The following ZSWIM7 variants were observed in gnomAD, a reference collection of about 807,000 sequenced individuals.
The protein encoded by ZSWIM7 is zinc finger SWIM-type containing 7.
Under a neutral mutation model 21.1 loss-of-function variants are expected in ZSWIM7, and 22 were observed. That is an observed-to-expected ratio of 1.04 (90% confidence interval 0.74 to 1.49). The LOEUF is 1.49. ZSWIM7 is among the 40% of genes most tolerant of loss of function. ZSWIM7 has a pLI of 0.00. For synonymous variants in ZSWIM7, 67 were observed against 66.5 expected (o/e 1.01, Z -0.04); for missense variants, 193 against 168.0 (o/e 1.15, Z -0.82).
chr17:15,993,339 T>C (rs2151629994), intron 2 of ZSWIM7, among the ~76,000 whole-genome samples: 1 of 136,200 alleles, frequency 7.3e-6, no homozygotes, highest in East Asian at 2.0e-4. Context: ...AGAATATTTT[T>C]ATTTTTTATT....
At chr17:15,986,944 G>A (rs1299174663) in intron 3 of ZSWIM7, 1 of 165,104 alleles carries the variant, frequency 6.1e-6, no homozygotes, top group African/African-American at 2.4e-5. Flanking sequence ...AGATTGCTAA[G>A]ATAATGGATT....
rs971381585 is a variant in ZSWIM7 at position 15,977,852 on chromosome 17, C to G, written c.*195G>C. ...TATTTCTTGACAAGACTGTACAGGG[C>G]TTCTCATCATACACAAACCCTCCAC... is the stretch of plus-strand genomic sequence containing the variant. On this transcript the variant is annotated 3_prime_UTR_variant, in exon 5 of 5. Transcript: ENST00000399277. The G allele has an allele frequency of 7.1e-5, 39 of 545,676 alleles. 1 individual carries two copies. The Admixed American group carries it at 8.5e-4, about 12-fold the overall frequency. The allele number at this position is 545,676 out of a possible 1,614,324, so 33.8% of individuals were successfully genotyped here.
chr17:15,991,928 G>GTTT (rs202107218), intron 2 of ZSWIM7, among the ~76,000 whole-genome samples: 1 of 125,590 alleles, frequency 8.0e-6, no homozygotes, highest in Non-Finnish European at 1.7e-5. Flanking sequence ...GTTTTGTTTT[G>GTTT]TTTTGTTTTT....
At chr17:15,981,960 G>GAAA (rs1970361094) in intron 3 of ZSWIM7, among the ~76,000 whole-genome samples, 7 of 152,136 alleles carry the variant, frequency 4.6e-5, no homozygotes, top group Non-Finnish European at 7.4e-5. Flanking sequence ...CTGGGAAGAG[G>GAAA]CTTTTGAAAA....
chr17:15,984,291 C>A lies in ZSWIM7; in HGVS notation c.201+2975G>T, dbSNP rs1040098900. 2.0e-5 allele frequency among the ~76,000 whole-genome samples: 3 copies of A among 152,366 alleles called. No homozygotes were observed. In the East Asian group the frequency reaches 5.8e-4, roughly 29 times the overall value. On this transcript the variant is annotated intron_variant, in intron 3 of 4. Coordinates refer to ENST00000399277, the MANE Select transcript of ZSWIM7 (RefSeq NM_001042697.2). ...AAATCTGAGTTAGAAACATTTAGAACTGGAAATTGACCTTAAGGATAACAT... is the reference window on the plus strand; with the variant it reads ...AAATCTGAGTTAGAAACATTTAGAAATGGAAATTGACCTTAAGGATAACAT...
Position 15,999,616 on chromosome 17 carries a change from C to A in ZSWIM7, c.-22G>T. ...CCATCGCGCCGCAGGACACGCCCTC[C>A]ACGACCGGCGGACCGCCGCGACGCT... On this transcript the variant is annotated 5_prime_UTR_variant, in exon 1 of 5. Transcript: ENST00000399277. 1 of 1,567,778 alleles carries A rather than the reference C, an allele frequency of 6.4e-7. No individual in the cohort carries two copies. Among genetic ancestry groups the A allele is most frequent in the Non-Finnish European group, 8.6e-7 (1 of 1,157,818 alleles).
chr17:15,978,254 AG>A, intron 4 of ZSWIM7, 91 bp from the exon 5 acceptor site: 2 of 903,928 alleles, frequency 2.2e-6, no homozygotes, highest in Non-Finnish European at 3.6e-6. Flanking sequence ...CTTATTTGGC[AG>A]GAGAAGACTA....
At chr17:15,981,698 C>T (rs1421697573) in intron 3 of ZSWIM7, among the ~76,000 whole-genome samples, 1 of 152,148 alleles carries the variant, frequency 6.6e-6, no homozygotes, top group East Asian at 1.9e-4. Flanking sequence ...CACTTGACCC[C>T]CCCCAGAGTT....
chr17:15,986,511 A>G (rs1171540379), intron 3 of ZSWIM7, among the ~76,000 whole-genome samples: 5 of 152,114 alleles, frequency 3.3e-5, no homozygotes, highest in Non-Finnish European at 7.4e-5. Context: ...CTGTAATCCT[A>G]GCACTTTGGG....
chr17:15,987,268 G>C lies in ZSWIM7; in HGVS notation c.199C>G (p.Gln67Glu). Reference protein sequence around the residue: ...ISSPSGRRVYQVLGSSSKTYT... With the variant: ...ISSPSGRRVYEVLGSSSKTYT... ...CACCCCCATCTCTAGACTTCTACCTGGTAAACACGCCTTCCACTGGGTGAT... is the reference window on the plus strand; with the variant it reads ...CACCCCCATCTCTAGACTTCTACCTCGTAAACACGCCTTCCACTGGGTGAT... The change falls in exon 3 of 5, where the codon CAG (glutamine) becomes GAG (glutamate). Residue 67 changes from glutamine to glutamate, a missense_variant and splice_region_variant. Coordinates refer to ENST00000399277, the MANE Select transcript of ZSWIM7 (RefSeq NM_001042697.2). The C allele has an allele frequency of 6.2e-7, 1 of 1,611,678 alleles. No homozygotes were observed. The highest frequency in any genetic ancestry group is 1.3e-5 in the African/African-American group (1 of 74,922).
intron 2 of ZSWIM7, among the ~76,000 whole-genome samples, chr17:15,990,269 C>G (rs1369157962): frequency 6.8e-6 from 1 of 147,180 alleles, no homozygotes; most frequent in South Asian, 2.2e-4. Context: ...GTGATTATTA[C>G]TGGGTGGTAT....
Position 15,981,124 on chromosome 17 carries a change from T to G in ZSWIM7, c.222A>C (p.Lys74Asn). The G allele has an allele frequency of 6.2e-7, 1 of 1,613,682 alleles. No individual in the cohort carries two copies. Among genetic ancestry groups the G allele is most frequent in the South Asian group, 1.1e-5 (1 of 91,052 alleles). ...RVYQVLGSSS[K>N]TYTCLASCHY... Reference sequence around the variant, plus strand: ...GACAAGAAGCCAAACATGTGTATGTTTTACTGGAACTTCCAAGGACCTACA... The same window carrying G: ...GACAAGAAGCCAAACATGTGTATGTGTTACTGGAACTTCCAAGGACCTACA... The change falls in exon 4 of 5, where the codon AAA becomes AAC. Residue 74 changes from lysine to asparagine, a missense_variant. Transcript: ENST00000399277.
At chr17:15,997,882 C>G (rs892845879) in intron 1 of ZSWIM7, among the ~76,000 whole-genome samples, 2 of 152,156 alleles carry the variant, frequency 1.3e-5, no homozygotes, top group Non-Finnish European at 2.9e-5. Context: ...GTGTCCGTAT[C>G]ACAAGGTCAG....
chr17:15,978,947 CTTTT>C (rs553348841), intron 4 of ZSWIM7, among the ~76,000 whole-genome samples: 11 of 139,232 alleles, frequency 7.9e-5, no homozygotes, highest in Admixed American at 3.6e-4. Flanking sequence ...GCTACTCTCT[CTTTT>C]TTTTTTTTTT....
intron 1 of ZSWIM7, among the ~76,000 whole-genome samples, chr17:15,996,721 C>T (rs1490599391): frequency 1.3e-5 from 2 of 151,980 alleles, no homozygotes; most frequent in Non-Finnish European, 2.9e-5. Flanking sequence ...CATGGTGGTG[C>T]ACACCTGTGG....
intron 1 of ZSWIM7, among the ~76,000 whole-genome samples, chr17:15,998,955 C>T (rs1485336467): frequency 2.6e-5 from 4 of 152,194 alleles, no homozygotes; most frequent in African/African-American, 9.6e-5. Flanking sequence ...GAAGTTTCAC[C>T]ATGTTGGCCA....
At chr17:15,982,100 G>A (rs1313397914) in intron 3 of ZSWIM7, among the ~76,000 whole-genome samples, 1 of 152,076 alleles carries the variant, frequency 6.6e-6, no homozygotes, top group South Asian at 2.1e-4. Context: ...GATGGAAGGA[G>A]GACACTGATA....
rs566124997 is a variant in ZSWIM7 at position 15,978,067 on chromosome 17, C to T, written c.403G>A (p.Glu135Lys). The T allele has an allele frequency of 1.9e-5, 31 of 1,613,790 alleles. No individual in the cohort carries two copies. Among genetic ancestry groups the T allele is most frequent in the Non-Finnish European group, 2.3e-5 (27 of 1,179,710 alleles). Residue 135 changes from glutamate to lysine, a missense_variant, in exon 5 of 5, where the codon GAG becomes AAG. By Grantham distance (56) the Glu-to-Lys change is moderately conservative (BLOSUM62 1). Coordinates refer to ENST00000399277, the MANE Select transcript of ZSWIM7 (RefSeq NM_001042697.2). ...ACCTTTTATGCTTCTTGTTTCTTCT[C>T]CATCAATAATATGTCAGTCAACTGC... ...DKQLTDILLM[E>K]KKQEA
At chr17:15,985,647 A>C (rs1970400519) in intron 3 of ZSWIM7, among the ~76,000 whole-genome samples, 2 of 152,222 alleles carry the variant, frequency 1.3e-5, no homozygotes, top group African/African-American at 4.8e-5. Context: ...TAATTAATAA[A>C]GCAATGTAAT....
Sources: gnomAD v4.1 joint callset for allele counts (sites outside exome capture counted in the v4.1 genomes callset) on GRCh38, gnomAD v4.1.1 for gene constraint, MANE v1.5 for transcripts, NCBI Gene and HGNC (gene_info 2026-07-23, HGNC 2026-07-21) for gene names.